Variants in PDSS1 observed in about 807,000 individuals in gnomAD.
PDSS1 encodes the protein all trans-polyprenyl-diphosphate synthase PDSS1.
A neutral mutation model predicts 57.5 loss-of-function variants in PDSS1; 43 were observed. That is an observed-to-expected ratio of 0.75 (90% CI 0.59 to 0.96). The LOEUF (loss-of-function observed/expected upper bound fraction) is 0.96, where lower values mean the gene tolerates loss of function less well. Ranked by LOEUF, PDSS1 falls within the 50% of genes least tolerant of loss-of-function variation. The pLI is 0.00. For synonymous variants in PDSS1, 175 were observed against 191.3 expected (o/e 0.91, Z 0.70); for missense variants, 438 against 527.8 (o/e 0.83, Z 1.67).
intron 4 of PDSS1, among the ~76,000 whole-genome samples, chr10:26,707,262 G>T (rs1252741594): frequency 6.6e-6 from 1 of 152,146 alleles, no homozygotes; most frequent in Non-Finnish European, 1.5e-5. Context: ...TTGCCTCTTA[G>T]TGTGCATGGT....
Position 26,746,522 on chromosome 10 carries a change from A to C in PDSS1, c.*49A>C, listed in dbSNP as rs761489260. 8.1e-6 allele frequency: 13 copies of C among 1,601,422 alleles called. No homozygotes were observed. The highest frequency in any genetic ancestry group is 1.3e-5 in the African/African-American group (1 of 74,666). On this transcript the variant is annotated 3_prime_UTR_variant, in exon 12 of 12. Coordinates refer to ENST00000376215, the MANE Select transcript of PDSS1 (RefSeq NM_014317.5). ...AGCTATCTTACCAGACTGTGCCTAAAGAATTTTGTGGAATACACTTTGTTT... is the reference window on the plus strand; with the variant it reads ...AGCTATCTTACCAGACTGTGCCTAACGAATTTTGTGGAATACACTTTGTTT...
At chr10:26,724,245 T>C (rs1224141189) in intron 8 of PDSS1, 122 bp downstream of exon 8, 2 of 742,928 alleles carry the variant, frequency 2.7e-6, no homozygotes, top group Admixed American at 4.1e-5. Context: ...AAGAGGTTAA[T>C]GAGGAAAAGA....
intron 8 of PDSS1, among the ~76,000 whole-genome samples, chr10:26,729,023 G>T (rs552686810): frequency 4.0e-5 from 6 of 151,850 alleles, no homozygotes; most frequent in South Asian, 4.2e-4. Flanking sequence ...TCAAGTGATC[G>T]CCCACCTCGG....
rs747468265 is a variant in PDSS1 at position 26,724,004 on chromosome 10, T to C, written c.722-10T>C. 6 of 1,609,840 alleles carry C rather than the reference T, an allele frequency of 3.7e-6. No individual in the cohort carries two copies. The Admixed American group carries it at 5.0e-5, about 13-fold the overall frequency. ...GCCACCTCTCAAATGACTCCTTTCC[T>C]TCTTTATAGGTGAATTTCTTCAGCT... On this transcript the variant is annotated splice_polypyrimidine_tract_variant and intron_variant, in intron 7 of 11. Coordinates refer to ENST00000376215, the MANE Select transcript of PDSS1 (RefSeq NM_014317.5).
At chr10:26,733,351 T>A (rs1836281170) in intron 8 of PDSS1, among the ~76,000 whole-genome samples, 1 of 152,100 alleles carries the variant, frequency 6.6e-6, no homozygotes. Flanking sequence ...GTCCCCCATA[T>A]GGTCTCCCAG....
intron 8 of PDSS1, among the ~76,000 whole-genome samples, chr10:26,724,376 C>T (rs762561268): frequency 1.1e-4 from 16 of 152,042 alleles, no homozygotes; most frequent in South Asian, 2.1e-4. Context: ...TAAGCTTTCC[C>T]GCACCTTCCC....
chr10:26,721,032 G>T (rs552584014), intron 6 of PDSS1, among the ~76,000 whole-genome samples: 2 of 152,062 alleles, frequency 1.3e-5, no homozygotes, highest in East Asian at 1.9e-4. Flanking sequence ...CAGGCCAGGC[G>T]CAGTGGCTCA....
At chr10:26,717,210 GCAA>G (rs1366944789) in intron 5 of PDSS1, among the ~76,000 whole-genome samples, 1 of 152,130 alleles carries the variant, frequency 6.6e-6, no homozygotes, top group African/African-American at 2.4e-5. Flanking sequence ...ATTTAGCCAT[GCAA>G]AATGACATTT....
At chr10:26,735,343 A>C (rs1204047249) in intron 9 of PDSS1, 23 bp downstream of exon 9, 1 of 1,538,756 alleles carries the variant, frequency 6.5e-7, no homozygotes, top group Non-Finnish European at 9.0e-7. Flanking sequence ...TTTATTTGTA[A>C]GAATGGTGGC....
intron 5 of PDSS1, among the ~76,000 whole-genome samples, 176 bp downstream of exon 5, chr10:26,709,944 A>C (rs1483651872): frequency 6.6e-6 from 1 of 152,008 alleles, no homozygotes; most frequent in Non-Finnish European, 1.5e-5. Flanking sequence ...TGAGATCAGG[A>C]GTTTGAGACC....
In PDSS1 at chr10:26,746,559, A is replaced by AGAT; in HGVS notation, c.*87_*89dup. On this transcript the variant is annotated 3_prime_UTR_variant, in exon 12 of 12. Coordinates refer to ENST00000376215, the MANE Select transcript of PDSS1 (RefSeq NM_014317.5). ...AATACACTTTGTTTGCTTCATGTGC[A>AGAT]GATAACCAAAAATCATTTTAAAAGA... 7.3e-7 allele frequency: 1 copy of AGAT among 1,372,104 alleles called. No homozygotes were observed. Among genetic ancestry groups the AGAT allele is most frequent in the South Asian group, 1.2e-5 (1 of 85,534 alleles). 85.0% of individuals were successfully genotyped at this position (1,372,104 alleles called of 1,614,324 possible).
At position 26,746,334 on chromosome 10, in the gene PDSS1, G is replaced by GTGA. The variant is rs748160237; in HGVS notation, c.1112_1114dup (p.Asp371dup). The GTGA allele has an allele frequency of 6.2e-7, 1 of 1,614,080 alleles. No individual in the cohort carries two copies. Among genetic ancestry groups the GTGA allele is most frequent in the South Asian group, 1.1e-5 (1 of 91,074 alleles). The stretch of plus-strand genomic sequence containing the variant: ...TCTGTTTTGTTCTGTATCTTATAGA[G>GTGA]TGATGGTGTGCAACAAACAACCTAC... On this transcript the variant is annotated inframe_insertion and splice_region_variant, in exon 12 of 12. Transcript: ENST00000376215.
At chr10:26,704,083 C>CAAAAAAAAAA (rs1203931422) in intron 2 of PDSS1, among the ~76,000 whole-genome samples, 400 of 31,024 alleles carry the variant, frequency 0.013, 64 homozygotes, top group African/African-American at 0.039. Flanking sequence ...CTCCGTCTCA[C>CAAAAAAAAAA]AAAAAAAAAA....
chr10:26,719,878 G>C (rs1008591434), intron 5 of PDSS1, among the ~76,000 whole-genome samples: 1 of 152,098 alleles, frequency 6.6e-6, no homozygotes. Flanking sequence ...AAATTTAATT[G>C]TAAACTTATA....
chr10:26,706,449 C>T (rs1835219201), intron 4 of PDSS1, among the ~76,000 whole-genome samples: 1 of 152,192 alleles, frequency 6.6e-6, no homozygotes, highest in African/African-American at 2.4e-5. Flanking sequence ...CTGCTCTCCT[C>T]CCACCCGTGG....
At chr10:26,724,555 A>G (rs1216725492) in intron 8 of PDSS1, among the ~76,000 whole-genome samples, 3 of 152,068 alleles carry the variant, frequency 2.0e-5, no homozygotes, top group Non-Finnish European at 2.9e-5. Context: ...CTAGCATTCT[A>G]TGAACTTTTT....
intron 8 of PDSS1, among the ~76,000 whole-genome samples, chr10:26,733,876 A>C (rs1288548301): frequency 1.3e-5 from 2 of 152,040 alleles, no homozygotes; most frequent in African/African-American, 2.4e-5. Context: ...CAGGAGACTG[A>C]GGCGGAAGGA....
intron 2 of PDSS1, among the ~76,000 whole-genome samples, chr10:26,704,211 T>C (rs1378056044): frequency 6.6e-6 from 1 of 152,062 alleles, no homozygotes; most frequent in Non-Finnish European, 1.5e-5. Flanking sequence ...AATAACTACT[T>C]TTAACACCCT....
chr10:26,709,581 G>A (rs1835354506), intron 4 of PDSS1, 57 bp from the exon 5 acceptor site: 2 of 1,562,520 alleles, frequency 1.3e-6, no homozygotes, highest in South Asian at 1.1e-5. Context: ...AAGAAATCCT[G>A]TTGGCTTTCT....
Sources: allele counts gnomAD v4.1 joint callset (sites outside exome capture counted in the v4.1 genomes callset), GRCh38; gene constraint gnomAD v4.1.1; transcripts MANE v1.5; gene names NCBI Gene and HGNC (gene_info 2026-07-23, HGNC 2026-07-21).